The following LAMP3 variants were observed in gnomAD, a reference collection of about 807,000 sequenced individuals.
LAMP3 encodes lysosome associated membrane protein 3.
A neutral mutation model predicts 34.8 loss-of-function variants in LAMP3; 26 were observed. The ratio of observed to expected loss-of-function variants is 0.75; its 90% confidence interval spans 0.55 to 1.04. The LOEUF (loss-of-function observed/expected upper bound fraction) is 1.04. Among genes scored for constraint, LAMP3 ranks in the 50% least tolerant of loss-of-function variants. The pLI is 0.00. For synonymous variants in LAMP3, 180 were observed against 201.9 expected, an observed-to-expected ratio of 0.89 and a Z score of 0.92; for missense variants, 495 against 524.0, an observed-to-expected ratio of 0.94 and a Z score of 0.54.
At chr3:183,133,089 G>C (rs1050283532) in intron 5 of LAMP3, 2 of 236,524 alleles carry the variant, frequency 8.5e-6, no homozygotes, top group African/African-American at 2.3e-5. Context: ...TCAGACAACA[G>C]TGGGTGAAAA....
chr3:183,130,841 C>T (rs1719898614), intron 5 of LAMP3, among the ~76,000 whole-genome samples: 1 of 150,266 alleles, frequency 6.7e-6, no homozygotes, highest in South Asian at 2.1e-4. Context: ...GCAACCCACT[C>T]TTTTTTTTTT....
At chr3:183,154,565 C>G (rs7613789) in intron 1 of LAMP3, among the ~76,000 whole-genome samples, 174 bp from the exon 2 acceptor site, 5,042 of 152,184 alleles carry the variant, frequency 0.033, 283 homozygotes, top group African/African-American at 0.12. Flanking sequence ...GATTCTACCC[C>G]CAGGACACAA....
At chr3:183,152,227 T>A (rs1000997181) in intron 3 of LAMP3, 148 bp downstream of exon 3, 7 of 863,680 alleles carry the variant, frequency 8.1e-6, no homozygotes, top group Non-Finnish European at 1.2e-5. Context: ...CATAAGATGT[T>A]GACACTTCCT....
chr3:183,133,928 A>G (rs1720002972), intron 5 of LAMP3, among the ~76,000 whole-genome samples: 1 of 152,178 alleles, frequency 6.6e-6, no homozygotes, highest in Non-Finnish European at 1.5e-5. Flanking sequence ...CTATCACTCA[A>G]GACTTCTTTA....
chr3:183,135,539 C>A (rs942102059), intron 5 of LAMP3, among the ~76,000 whole-genome samples, 178 bp downstream of exon 5: 4 of 152,174 alleles, frequency 2.6e-5, no homozygotes, highest in African/African-American at 9.7e-5. Flanking sequence ...TGGGTGGGTG[C>A]AGGTGCCTGA....
chr3:183,154,355 G>A lies in LAMP3; in HGVS notation c.86C>T (p.Ala29Val). The A allele has an allele frequency of 6.2e-7, 1 of 1,606,822 alleles. No homozygotes were observed. The highest frequency in any genetic ancestry group is 8.5e-7 in the Non-Finnish European group (1 of 1,176,938). ...LHDGSQMRAK[A>V]FPETRDYSQP... ...AGAATAATCTCTGGTTTCTGGAAATGCTTTTGCTCTCATTTGACTGCCATC... is the reference window on the plus strand; with the variant it reads ...AGAATAATCTCTGGTTTCTGGAAATACTTTTGCTCTCATTTGACTGCCATC... Residue 29 changes from alanine to valine, a missense_variant, in exon 2 of 6, where the codon GCA becomes GTA. Ala to Val is a moderately conservative substitution (Grantham distance 64). Coordinates refer to ENST00000265598, the MANE Select transcript of LAMP3 (RefSeq NM_014398.4).
At chr3:183,131,405 G>C (rs780715535) in intron 5 of LAMP3, among the ~76,000 whole-genome samples, 2 of 152,202 alleles carry the variant, frequency 1.3e-5, no homozygotes, top group Non-Finnish European at 2.9e-5. Context: ...GCCTGGAGCA[G>C]GTGCCAGTTT....
chr3:183,124,589 T>C (rs936658363), intron 5 of LAMP3, among the ~76,000 whole-genome samples: 12 of 152,128 alleles, frequency 7.9e-5, no homozygotes, highest in Non-Finnish European at 1.6e-4. Flanking sequence ...TCCCAGCACT[T>C]TGGGAGGCCG....
At chr3:183,163,070 G>T (rs9835569), upstream of LAMP3, among the ~76,000 whole-genome samples, 3,834 of 152,008 alleles carry the variant, frequency 0.025, 167 homozygotes, top group African/African-American at 0.089. Context: ...CGATTCTTCT[G>T]CCTCAGCCTC....
chr3:183,144,438 C>T (rs1400896621), intron 3 of LAMP3, among the ~76,000 whole-genome samples: 1 of 151,916 alleles, frequency 6.6e-6, no homozygotes, highest in African/African-American at 2.4e-5. Context: ...CTCATTTTAC[C>T]TGAAGTGGAA....
At chr3:183,162,263 A>G (rs1721000906) in intron 1 of LAMP3, among the ~76,000 whole-genome samples, 1 of 152,030 alleles carries the variant, frequency 6.6e-6, no homozygotes, top group African/African-American at 2.4e-5. Context: ...CATCTGATGC[A>G]AGGAAAAGCA....
At chr3:183,129,317 T>C (rs1719854185) in intron 5 of LAMP3, among the ~76,000 whole-genome samples, 1 of 152,216 alleles carries the variant, frequency 6.6e-6, no homozygotes, top group Admixed American at 6.5e-5. Context: ...GCTCTTTTAA[T>C]CCCAACTTCA....
chr3:183,163,316 T>C (rs952322484), upstream of LAMP3, among the ~76,000 whole-genome samples: 2 of 142,536 alleles, frequency 1.4e-5, no homozygotes, highest in African/African-American at 5.2e-5. Context: ...TTTTGTTTTG[T>C]TTTTTGAGAC....
At chr3:183,147,522 C>A (rs1173339702) in intron 3 of LAMP3, among the ~76,000 whole-genome samples, 1 of 152,006 alleles carries the variant, frequency 6.6e-6, no homozygotes, top group Non-Finnish European at 1.5e-5. Context: ...GAATTGAAAT[C>A]TTTCTTGTCT....
At chr3:183,140,513 G>A (rs901360595) in intron 4 of LAMP3, 25 bp downstream of exon 4, 17 of 1,446,548 alleles carry the variant, frequency 1.2e-5, no homozygotes, top group East Asian at 4.7e-5. Context: ...ATGGCTGGTC[G>A]AATGGGCATT....
chr3:183,125,527 C>T (rs374298844), intron 5 of LAMP3, among the ~76,000 whole-genome samples: 2 of 152,118 alleles, frequency 1.3e-5, no homozygotes, highest in African/African-American at 2.4e-5. Flanking sequence ...GTTGTGTAAC[C>T]ACAAATCTTT....
In LAMP3 at chr3:183,122,380, A is replaced by T. The variant is rs1197579044; in HGVS notation, c.*1701T>A. 2.6e-5 allele frequency: 4 copies of T among 152,216 alleles called. No individual in the cohort carries two copies. The highest frequency in any genetic ancestry group is 9.6e-5 in the African/African-American group (4 of 41,462). 9.4% of individuals were successfully genotyped at this position (152,216 alleles called of 1,614,324 possible). ...TTCCTTGACTAAGAATTCTAGGGTT[A>T]TGTGGACTTTTCTGTTAACATCCTG... On this transcript the variant is annotated 3_prime_UTR_variant, in exon 6 of 6. Coordinates refer to ENST00000265598, the MANE Select transcript of LAMP3 (RefSeq NM_014398.4).
intron 4 of LAMP3, among the ~76,000 whole-genome samples, chr3:183,139,163 G>A (rs560050980): frequency 1.7e-4 from 26 of 152,252 alleles, no homozygotes; most frequent in Non-Finnish European, 2.8e-4. Context: ...GCCAAGGTGC[G>A]TGGATCACTT....
intron 5 of LAMP3, 139 bp from the exon 6 acceptor site, chr3:183,124,353 C>T: frequency 1.5e-6 from 1 of 666,550 alleles, no homozygotes; most frequent in Non-Finnish European, 2.3e-6. Flanking sequence ...GCTTTGTGAC[C>T]TTGGGCAGGT....
Sources: gnomAD v4.1 joint callset for allele counts (sites outside exome capture counted in the v4.1 genomes callset) on GRCh38, gnomAD v4.1.1 for gene constraint, MANE v1.5 for transcripts, NCBI Gene and HGNC (gene_info 2026-07-23, HGNC 2026-07-21) for gene names.